Variants in PTPRG observed in about 807,000 individuals in gnomAD.
PTPRG encodes the protein receptor-type tyrosine-protein phosphatase gamma.
In PTPRG, 102 loss-of-function variants were observed where a neutral mutation model predicts 165.3. That is an observed-to-expected ratio of 0.62 (90% CI 0.53 to 0.73). The LOEUF (loss-of-function observed/expected upper bound fraction) is 0.73. Ranked by LOEUF, PTPRG falls within the 30% of genes least tolerant of loss-of-function variation. The pLI is 0.00. For synonymous variants in PTPRG, 675 were observed against 669.5 expected (o/e 1.01, Z -0.13); for missense variants, 1,866 against 1,861.4 (o/e 1.00, Z -0.05).
intron 1 of PTPRG, among the ~76,000 whole-genome samples, chr3:61,713,539 TAG>T (rs1236603544): frequency 6.6e-6 from 1 of 152,116 alleles, no homozygotes; most frequent in Non-Finnish European, 1.5e-5. Flanking sequence ...GGGATTATAG[TAG>T]AGAATGAGGC....
chr3:62,188,444 T>C (rs1407433941), intron 8 of PTPRG, among the ~76,000 whole-genome samples: 1 of 152,232 alleles, frequency 6.6e-6, no homozygotes, highest in African/African-American at 2.4e-5. Flanking sequence ...TGTGCGTATG[T>C]ACTTTCACAT....
At position 61,989,802 on chromosome 3, in the gene PTPRG, CA is replaced by C; in HGVS notation, c.369del (p.Val124SerfsTer5). ...ACCTGGATGAAAAACACAGGGAAAA[CA>C]GGTAGACAATGGCTTCTTTATTTGT... ...NKTWMKNTGK[T>X]VAILLKDDYF... On this transcript the variant is annotated frameshift_variant and splice_region_variant, in exon 3 of 30. Coordinates refer to ENST00000474889, the MANE Select transcript of PTPRG (RefSeq NM_002841.4). LOFTEE classifies it high-confidence loss of function. The C allele has an allele frequency of 1.2e-6, 2 of 1,613,774 alleles. No homozygotes were observed. The highest frequency in any genetic ancestry group is 1.7e-6 in the Non-Finnish European group (2 of 1,179,832).
At chr3:61,981,151 G>C (rs1462424385) in intron 2 of PTPRG, among the ~76,000 whole-genome samples, 1 of 152,028 alleles carries the variant, frequency 6.6e-6, no homozygotes, top group Non-Finnish European at 1.5e-5. Flanking sequence ...CCCAGCACAG[G>C]GGGAGACCCC....
chr3:61,896,356 G>C (rs892732015), intron 2 of PTPRG, among the ~76,000 whole-genome samples: 1 of 151,964 alleles, frequency 6.6e-6, no homozygotes, highest in Non-Finnish European at 1.5e-5. Context: ...AATAATTCTC[G>C]GGAACTCATC....
intron 2 of PTPRG, among the ~76,000 whole-genome samples, chr3:61,818,184 A>G (rs1294487190): frequency 6.6e-6 from 1 of 152,226 alleles, no homozygotes; most frequent in Non-Finnish European, 1.5e-5. Context: ...TGAACTCTAT[A>G]TAAAGTTATT....
At chr3:61,913,479 A>G (rs984064397) in intron 2 of PTPRG, among the ~76,000 whole-genome samples, 6 of 152,164 alleles carry the variant, frequency 3.9e-5, no homozygotes, top group African/African-American at 1.4e-4. Flanking sequence ...TCAGCATTCC[A>G]AAGTGCTGGG....
rs143800414 is a variant in PTPRG at position 62,162,811 on chromosome 3, C to T, written c.841-5160C>T. 8.7e-4 allele frequency among the ~76,000 whole-genome samples: 132 copies of T among 152,332 alleles called. 5 individuals carry two copies. In the East Asian group the frequency reaches 0.021, roughly 24 times the overall value. On this transcript the variant is annotated intron_variant, in intron 7 of 29. Coordinates refer to ENST00000474889, the MANE Select transcript of PTPRG (RefSeq NM_002841.4). ...CTTTTATGCCTGTGGCATGAAATAG[C>T]TGAGAGCATACAAAATAGAGTCACA...
chr3:61,776,313 T>C (rs1346159104), intron 2 of PTPRG, among the ~76,000 whole-genome samples: 1 of 152,144 alleles, frequency 6.6e-6, no homozygotes, highest in Non-Finnish European at 1.5e-5. Context: ...ACTTACTTCC[T>C]TAAAGGTTAG....
intron 6 of PTPRG, among the ~76,000 whole-genome samples, chr3:62,154,653 C>T (rs554666105): frequency 1.3e-5 from 2 of 152,224 alleles, no homozygotes; most frequent in East Asian, 3.9e-4. Context: ...GATGGGGGCT[C>T]GGCTGCCAGG....
intron 2 of PTPRG, among the ~76,000 whole-genome samples, chr3:61,953,815 C>A (rs907674125): frequency 5.3e-5 from 8 of 152,148 alleles, no homozygotes; most frequent in Non-Finnish European, 7.3e-5. Flanking sequence ...GTAAGAAGTT[C>A]TACTCTAAAG....
chr3:61,897,335 C>A (rs370268543), intron 2 of PTPRG, among the ~76,000 whole-genome samples: 3 of 152,012 alleles, frequency 2.0e-5, no homozygotes, highest in Non-Finnish European at 2.9e-5. Flanking sequence ...TACTTTGGCA[C>A]CATCTGTTGA....
intron 9 of PTPRG, among the ~76,000 whole-genome samples, chr3:62,194,430 A>G (rs1002403793): frequency 6.6e-6 from 1 of 152,206 alleles, no homozygotes; most frequent in African/African-American, 2.4e-5. Flanking sequence ...TGGTATGAGG[A>G]GACTATGTCC....
At chr3:62,069,832 G>T (rs1256204370) in intron 4 of PTPRG, among the ~76,000 whole-genome samples, 2 of 152,150 alleles carry the variant, frequency 1.3e-5, no homozygotes, top group Non-Finnish European at 2.9e-5. Flanking sequence ...AATCTGTGTT[G>T]CAGTGTAGAG....
intron 4 of PTPRG, among the ~76,000 whole-genome samples, chr3:62,060,346 G>A (rs531000512): frequency 7.9e-4 from 120 of 152,270 alleles, no homozygotes; most frequent in African/African-American, 2.7e-3. Flanking sequence ...AATGGCTACT[G>A]GCTACTGTTA....
chr3:62,157,872 T>A (rs918159836), intron 7 of PTPRG, among the ~76,000 whole-genome samples: 3 of 152,220 alleles, frequency 2.0e-5, no homozygotes, highest in African/African-American at 7.2e-5. Context: ...CTCAGCACTT[T>A]ATACATATCA....
intron 3 of PTPRG, 102 bp downstream of exon 3, chr3:61,989,906 T>G: frequency 2.4e-6 from 3 of 1,273,352 alleles, no homozygotes; most frequent in Non-Finnish European, 3.3e-6. Flanking sequence ...ATAGTGCACA[T>G]TGCTGTGGGG....
chr3:61,672,818 A>AGAGG (rs1553647642), intron 1 of PTPRG, among the ~76,000 whole-genome samples: 1 of 143,952 alleles, frequency 6.9e-6, no homozygotes, highest in African/African-American at 2.7e-5. Flanking sequence ...AGAGGGAGAG[A>AGAGG]GAGAGGGAGA....
intron 2 of PTPRG, among the ~76,000 whole-genome samples, chr3:61,839,028 A>C (rs1259190859): frequency 6.6e-6 from 1 of 152,210 alleles, no homozygotes; most frequent in East Asian, 1.9e-4. Context: ...CATTGAGAGG[A>C]GTTTTCAGGT....
At chr3:62,125,177 C>G (rs1226288894) in intron 5 of PTPRG, among the ~76,000 whole-genome samples, 2 of 152,106 alleles carry the variant, frequency 1.3e-5, no homozygotes, top group Admixed American at 6.5e-5. Flanking sequence ...CATATGATAC[C>G]TACATGATAT....
Sources: gnomAD v4.1 joint callset for allele counts (sites outside exome capture counted in the v4.1 genomes callset) on GRCh38, gnomAD v4.1.1 for gene constraint, MANE v1.5 for transcripts, NCBI Gene and HGNC (gene_info 2026-07-23, HGNC 2026-07-21) for gene names.